Variants in KHDRBS2 observed in about 807,000 individuals in gnomAD.
KHDRBS2 encodes the protein KH RNA binding domain containing, signal transduction associated 2.
In KHDRBS2, 26 loss-of-function variants were observed where a neutral mutation model predicts 44.3. The ratio of observed to expected loss-of-function variants is 0.59; its 90% CI spans 0.43 to 0.81. The LOEUF (loss-of-function observed/expected upper bound fraction) is 0.81, where lower values mean the gene tolerates loss of function less well. Among genes scored for constraint, KHDRBS2 ranks in the 40% least tolerant of loss-of-function variants. The pLI is 0.00. For missense variants in KHDRBS2, 476 were observed against 433.1 expected, an observed-to-expected ratio of 1.10 and a Z score of -0.88; for synonymous variants, 194 against 151.1, an observed-to-expected ratio of 1.28 and a Z score of -2.08.
intron 4 of KHDRBS2, among the ~76,000 whole-genome samples, chr6:61,934,445 C>T (rs1810661983): frequency 1.3e-5 from 2 of 152,116 alleles, no homozygotes; most frequent in Non-Finnish European, 2.9e-5. Flanking sequence ...AGTGAGATAT[C>T]ACACTGATAC....
At chr6:62,254,250 G>C (rs73760338) in intron 1 of KHDRBS2, among the ~76,000 whole-genome samples, 1,761 of 152,138 alleles carry the variant, frequency 0.012, 37 homozygotes, top group African/African-American at 0.039. Flanking sequence ...CTATGCTCAA[G>C]ATAAAGGAGA....
chr6:62,266,956 T>C (rs1055665968), intron 1 of KHDRBS2, among the ~76,000 whole-genome samples: 1 of 152,028 alleles, frequency 6.6e-6, no homozygotes, highest in African/African-American at 2.4e-5. Context: ...AAGGTTTGTT[T>C]GGCATCTTAG....
intron 1 of KHDRBS2, among the ~76,000 whole-genome samples, chr6:62,232,569 G>C (rs1236230623): frequency 6.6e-6 from 1 of 151,948 alleles, no homozygotes; most frequent in Non-Finnish European, 1.5e-5. Flanking sequence ...CTACACACCT[G>C]AAATACACAC....
chr6:61,662,557 AAAAC>A, the KHDRBS2 span, among the ~76,000 whole-genome samples: 1 of 152,178 alleles, frequency 6.6e-6, no homozygotes, highest in Non-Finnish European at 1.5e-5. Context: ...TACAAGAAAA[AAAAC>A]AAACAACCCC....
At chr6:61,646,815 TTTTA>T in the KHDRBS2 span, among the ~76,000 whole-genome samples, 1 of 152,014 alleles carries the variant, frequency 6.6e-6, no homozygotes, top group Admixed American at 6.6e-5. Context: ...TATGCTACAA[TTTTA>T]TTTATTTATT....
chr6:61,544,685 G>T, the KHDRBS2 span, among the ~76,000 whole-genome samples: 1 of 152,016 alleles, frequency 6.6e-6, no homozygotes, highest in East Asian at 1.9e-4. Flanking sequence ...ACAAAAATTT[G>T]AGTTAGAATG....
chr6:62,285,252 T>G (rs1414720366), intron 1 of KHDRBS2, among the ~76,000 whole-genome samples: 2 of 151,880 alleles, frequency 1.3e-5, no homozygotes, highest in African/African-American at 2.4e-5. Context: ...AATTATAGAG[T>G]GTTCCCAGGG....
intron 6 of KHDRBS2, among the ~76,000 whole-genome samples, chr6:61,886,822 AT>A (rs1411611763): frequency 2.0e-5 from 3 of 152,306 alleles, no homozygotes; most frequent in Admixed American, 1.3e-4. Context: ...ACTAGATGGC[AT>A]CCTTTTTAGA....
At chr6:61,939,689 T>G (rs989668074) in intron 4 of KHDRBS2, among the ~76,000 whole-genome samples, 1 of 152,240 alleles carries the variant, frequency 6.6e-6, no homozygotes, top group Non-Finnish European at 1.5e-5. Context: ...AAGCTGAATT[T>G]TAGACTCCAA....
At chr6:61,690,879 T>C (rs963973210) in intron 8 of KHDRBS2, among the ~76,000 whole-genome samples, 3 of 152,026 alleles carry the variant, frequency 2.0e-5, no homozygotes, top group Non-Finnish European at 4.4e-5. Flanking sequence ...AGAGAAATTA[T>C]AAAGATAATT....
chr6:62,109,212 T>G (rs1804400555), intron 2 of KHDRBS2, among the ~76,000 whole-genome samples: 2 of 152,000 alleles, frequency 1.3e-5, no homozygotes, highest in Admixed American at 1.3e-4. Flanking sequence ...CTCACCATAT[T>G]AACAATCTAA....
At chr6:62,056,743 T>C (rs528089125) in intron 2 of KHDRBS2, among the ~76,000 whole-genome samples, 3 of 152,044 alleles carry the variant, frequency 2.0e-5, no homozygotes, top group African/African-American at 4.8e-5. Flanking sequence ...AACTCAGAAA[T>C]ACCAAGTCAT....
intron 1 of KHDRBS2, among the ~76,000 whole-genome samples, chr6:62,196,834 G>A (rs1244824808): frequency 2.6e-5 from 4 of 151,970 alleles, no homozygotes; most frequent in African/African-American, 7.2e-5. Flanking sequence ...ATGCTGGCTC[G>A]ACATGCTCAC....
At chr6:61,960,853 G>T (rs1486815845) in intron 4 of KHDRBS2, among the ~76,000 whole-genome samples, 2 of 152,014 alleles carry the variant, frequency 1.3e-5, no homozygotes, top group Non-Finnish European at 2.9e-5. Flanking sequence ...TCTCGTTCAG[G>T]GTAAGATGAA....
intron 2 of KHDRBS2, among the ~76,000 whole-genome samples, chr6:62,142,394 C>T (rs934665267): frequency 1.3e-5 from 2 of 152,066 alleles, no homozygotes; most frequent in African/African-American, 4.8e-5. Flanking sequence ...AACCTTCCAT[C>T]TCTCGGATAA....
chr6:61,719,567 A>T (rs560558092), intron 7 of KHDRBS2, among the ~76,000 whole-genome samples: 1 of 152,120 alleles, frequency 6.6e-6, no homozygotes, highest in Non-Finnish European at 1.5e-5. Context: ...AACTTCAAGT[A>T]TGTGAGTTCC....
intron 7 of KHDRBS2, among the ~76,000 whole-genome samples, chr6:61,726,150 A>T (rs1773512228): frequency 6.6e-6 from 1 of 152,192 alleles, no homozygotes; most frequent in East Asian, 1.9e-4. Flanking sequence ...CAACATACAG[A>T]TATCAATAAA....
chr6:61,727,233 G>T (rs1432221099), intron 7 of KHDRBS2, among the ~76,000 whole-genome samples: 1 of 152,254 alleles, frequency 6.6e-6, no homozygotes, highest in Admixed American at 6.5e-5. Flanking sequence ...GCCATATGGA[G>T]AAAATTGAAA....
At chr6:62,255,359 T>C (rs937804546) in intron 1 of KHDRBS2, among the ~76,000 whole-genome samples, 1 of 152,048 alleles carries the variant, frequency 6.6e-6, no homozygotes, top group African/African-American at 2.4e-5. Context: ...GATTGGATGC[T>C]AAATAAGTGC....
Sources: allele counts gnomAD v4.1 joint callset (sites outside exome capture counted in the v4.1 genomes callset), GRCh38; gene constraint gnomAD v4.1.1; transcripts MANE v1.5; gene names NCBI Gene and HGNC (gene_info 2026-07-23, HGNC 2026-07-21).